Variants in DTWD1 observed in about 807,000 individuals in gnomAD.
DTWD1 encodes the protein DTW motif tRNA-uridine aminocarboxypropyltransferase 1.
DTWD1 carries 27 observed loss-of-function variants against 30.2 expected under a neutral mutation model. The observed-to-expected ratio is 0.90, with a 90% CI of 0.66 to 1.23. The LOEUF is 1.23. DTWD1 is among the 50% of genes most tolerant of loss of function. The pLI is 0.00. For missense variants in DTWD1, 342 were observed against 348.8 expected, an observed-to-expected ratio of 0.98 and a Z score of 0.15; for synonymous variants, 99 against 113.1, an observed-to-expected ratio of 0.88 and a Z score of 0.79.
chr15:49,623,883 T>C (rs2078803523), intron 1 of DTWD1: 1 of 152,154 alleles, frequency 6.6e-6, no homozygotes, highest in South Asian at 2.1e-4. Flanking sequence ...TCTTAAATAC[T>C]GCTTTCTTAC....
rs1248133913 is a variant in DTWD1 at position 49,649,817 on chromosome 15, T to A, written c.*6239T>A. The stretch of plus-strand genomic sequence containing the variant: ...GGATTCATTCATCCATTCTAAAAAA[T>A]TTTGAGTGCATACTATGTGTCAAAT... On this transcript the variant is annotated 3_prime_UTR_variant, in exon 5 of 5. Coordinates refer to ENST00000403028, the MANE Select transcript of DTWD1 (RefSeq NM_001144955.2). 2.6e-5 allele frequency: 4 copies of A among 151,666 alleles called. No individual in the cohort carries two copies. The highest frequency in any genetic ancestry group is 5.9e-5 in the Non-Finnish European group (4 of 68,018). The allele number at this position is 151,666 out of a possible 1,614,324, so 9.4% of individuals were successfully genotyped here. A position where few individuals can be genotyped will look rare whatever the true frequency, so the allele number is the denominator to read the frequency against.
chr15:49,653,560 AACTC>A lies in DTWD1; in HGVS notation c.*9983_*9986del, dbSNP rs1364832131. ...GCTAAGCCTTGAAGAATAGTGAACA[AACTC>A]TTACTGGAGGATGGGAAGGCAGTAA... On this transcript the variant is annotated 3_prime_UTR_variant, in exon 5 of 5. Transcript: ENST00000403028. The A allele has an allele frequency of 1.3e-5, 2 of 152,188 alleles. No individual in the cohort carries two copies. Among genetic ancestry groups the A allele is most frequent in the African/African-American group, 4.8e-5 (2 of 41,458 alleles). 9.4% of individuals were successfully genotyped at this position (152,188 alleles called of 1,614,324 possible). A position where few individuals can be genotyped will look rare whatever the true frequency, so the allele number is the denominator to read the frequency against.
chr15:49,652,593 G>A lies in DTWD1; in HGVS notation c.*9015G>A, dbSNP rs771457013. The stretch of plus-strand genomic sequence containing the variant: ...AATTGATAGTGGAGGATGAGGGGAT[G>A]TGACAAGTATTGATGGCATTCCCAA... On this transcript the variant is annotated 3_prime_UTR_variant, in exon 5 of 5. Transcript: ENST00000403028. 7.6e-6 allele frequency: 1 copy of A among 130,874 alleles called. No individual in the cohort carries two copies. The highest frequency in any genetic ancestry group is 1.9e-4 in the East Asian group (1 of 5,172). 8.1% of individuals were successfully genotyped at this position (130,874 alleles called of 1,614,324 possible). A position where few individuals can be genotyped will look rare whatever the true frequency, so the allele number is the denominator to read the frequency against.
chr15:49,635,589 G>T (rs1598658243), intron 4 of DTWD1, among the ~76,000 whole-genome samples: 1 of 151,660 alleles, frequency 6.6e-6, no homozygotes, highest in Non-Finnish European at 1.5e-5. Flanking sequence ...GCCTCCTGGG[G>T]TCAGGCGATT....
At chr15:49,624,383 C>T (rs75727158) in intron 1 of DTWD1, among the ~76,000 whole-genome samples, 8,376 of 152,202 alleles carry the variant, frequency 0.055, 330 homozygotes, top group East Asian at 0.13. Flanking sequence ...ATACAGATAG[C>T]AATTTTGGCA....
chr15:49,633,603 G>T, intron 3 of DTWD1: 1 of 281,942 alleles, frequency 3.5e-6, no homozygotes, highest in South Asian at 2.9e-5. Flanking sequence ...CCAAAGTGCC[G>T]GGATTACAGG....
At chr15:49,628,886 G>A (rs1459612955) in intron 2 of DTWD1, among the ~76,000 whole-genome samples, 2 of 151,730 alleles carry the variant, frequency 1.3e-5, no homozygotes, top group African/African-American at 2.4e-5. Context: ...GGATACATGT[G>A]CAGAACTTGC....
chr15:49,651,595 T>C lies in DTWD1; in HGVS notation c.*8017T>C, dbSNP rs745462386. 7 of 152,136 alleles carry C rather than the reference T, an allele frequency of 4.6e-5. No individual in the cohort carries two copies. The highest frequency in any genetic ancestry group is 7.2e-5 in the African/African-American group (3 of 41,446). 9.4% of individuals were successfully genotyped at this position (152,136 alleles called of 1,614,324 possible). ...CACAGACAATACTGCACCCCTGATA[T>C]AATACCATTCTTCAATATCAAGTTG... On this transcript the variant is annotated 3_prime_UTR_variant, in exon 5 of 5. Transcript: ENST00000403028.
intron 3 of DTWD1, among the ~76,000 whole-genome samples, chr15:49,634,233 T>G (rs1235268086): frequency 1.3e-5 from 2 of 152,166 alleles, no homozygotes. Flanking sequence ...TACTTTGCTT[T>G]TTATCTTATG....
In DTWD1 at chr15:49,634,703, C is replaced by A. The variant is rs1567740949; in HGVS notation, c.576C>A (p.Ser192Arg). The A allele has an allele frequency of 1.2e-6, 2 of 1,613,336 alleles. No individual in the cohort carries two copies. Among genetic ancestry groups the A allele is most frequent in the Non-Finnish European group, 1.7e-6 (2 of 1,179,632 alleles). Residue 192 changes from serine (S) to arginine (R), a missense_variant, in exon 4 of 5, where the codon AGC becomes AGA. Transcript: ENST00000403028. ...AAGAGTTCTGTGATTTGAATGACAG[C>A]AAGTGCAAAGGCACAACACTGAAAA... ...EEQEFCDLND[S>R]KCKGTTLKKI...
intron 2 of DTWD1, among the ~76,000 whole-genome samples, chr15:49,627,813 G>A (rs191925304): frequency 5.9e-5 from 9 of 152,260 alleles, no homozygotes; most frequent in Admixed American, 5.9e-4. Flanking sequence ...AGTCAGTGGT[G>A]ACTTGTGAGT....
chr15:49,624,361 TC>T (rs1367258392), intron 1 of DTWD1, among the ~76,000 whole-genome samples: 11 of 152,362 alleles, frequency 7.2e-5, no homozygotes, highest in Admixed American at 2.0e-4. Context: ...AAAGATATCT[TC>T]CTTACAGGGT....
At chr15:49,638,503 T>A (rs1358399862) in intron 4 of DTWD1, among the ~76,000 whole-genome samples, 1 of 152,220 alleles carries the variant, frequency 6.6e-6, no homozygotes, top group Non-Finnish European at 1.5e-5. Flanking sequence ...CAATTAGGGC[T>A]CTATACATAT....
rs750687829 is a variant in DTWD1 at position 49,643,515 on chromosome 15, G to A, written c.852G>A (p.Met284Ile). The change falls in exon 5 of 5, where the codon ATG (methionine) becomes ATA (isoleucine). Residue 284 changes from methionine (M) to isoleucine (I), a missense_variant. Physicochemically the swap from Met to Ile is conservative, Grantham distance 10 (BLOSUM62 1). Coordinates refer to ENST00000403028, the MANE Select transcript of DTWD1 (RefSeq NM_001144955.2). The stretch of plus-strand genomic sequence containing the variant: ...ATCTTTTATTTTTCTATTCTTTTAT[G>A]TACCAGTTGATAAAGAATGCCAAAT... Reference protein sequence around the residue: ...YDNLLFFYSFMYQLIKNAKCS... With the variant: ...YDNLLFFYSFIYQLIKNAKCS... 5.6e-6 allele frequency: 9 copies of A among 1,607,652 alleles called. No individual in the cohort carries two copies. The South Asian group carries it at 1.0e-4, about 18-fold the overall frequency.
intron 2 of DTWD1, among the ~76,000 whole-genome samples, chr15:49,628,682 G>A (rs76050862): frequency 0.01 from 1,533 of 152,072 alleles, 29 homozygotes; most frequent in African/African-American, 0.035. Flanking sequence ...ATAAGTGTTC[G>A]AGAGCAGATT....
In DTWD1 at chr15:49,645,131, A is replaced by G. The variant is rs981785508; in HGVS notation, c.*1553A>G. On this transcript the variant is annotated 3_prime_UTR_variant, in exon 5 of 5. Coordinates refer to ENST00000403028, the MANE Select transcript of DTWD1 (RefSeq NM_001144955.2). ...AAAAGTCCTGAAATAAACATTTTGA[A>G]CTTTATTTAAGCTGATATATCTTAA... 2.6e-5 allele frequency: 4 copies of G among 152,206 alleles called. No homozygotes were observed. The highest frequency in any genetic ancestry group is 1.9e-4 in the East Asian group (1 of 5,194). 9.4% of individuals were successfully genotyped at this position (152,206 alleles called of 1,614,324 possible). A position where few individuals can be genotyped will look rare whatever the true frequency, so the allele number is the denominator to read the frequency against.
chr15:49,636,650 CT>C (rs1489788264), intron 4 of DTWD1, among the ~76,000 whole-genome samples: 1 of 152,080 alleles, frequency 6.6e-6, no homozygotes, highest in Non-Finnish European at 1.5e-5. Flanking sequence ...GCCTAGGATA[CT>C]TACAGGTAAG....
intron 2 of DTWD1, 82 bp from the exon 3 acceptor site, chr15:49,632,077 A>G (rs914292164): frequency 8.4e-6 from 10 of 1,187,428 alleles, no homozygotes; most frequent in East Asian, 7.8e-5. Flanking sequence ...TGAGCTTCCT[A>G]TTTAGCTTTA....
In DTWD1 at chr15:49,645,169, A is replaced by G. The variant is rs1007510039; in HGVS notation, c.*1591A>G. On this transcript the variant is annotated 3_prime_UTR_variant, in exon 5 of 5. Coordinates refer to ENST00000403028, the MANE Select transcript of DTWD1 (RefSeq NM_001144955.2). ...TGATATATCTTAAACTTACTTGAAT[A>G]TGTAGCACCTATTAACATGCCATGG... is the stretch of plus-strand genomic sequence containing the variant. 1 of 152,204 alleles carries G rather than the reference A, an allele frequency of 6.6e-6. No individual in the cohort carries two copies. The highest frequency in any genetic ancestry group is 1.5e-5 in the Non-Finnish European group (1 of 68,026). The allele number at this position is 152,204 out of a possible 1,614,324, so 9.4% of individuals were successfully genotyped here.
Sources: gnomAD v4.1 joint callset for allele counts (sites outside exome capture counted in the v4.1 genomes callset) on GRCh38, gnomAD v4.1.1 for gene constraint, MANE v1.5 for transcripts, NCBI Gene and HGNC (gene_info 2026-07-23, HGNC 2026-07-21) for gene names.